The following COL5A2 variants were observed in gnomAD, a reference collection of about 807,000 sequenced individuals.
COL5A2 encodes the protein collagen alpha-2(V) chain.
COL5A2 carries 23 observed loss-of-function variants against 208.2 expected under a neutral mutation model. The observed-to-expected ratio is 0.11, with a 90% confidence interval of 0.08 to 0.16. COL5A2 has a LOEUF of 0.16. COL5A2 is among the 10% of genes least tolerant of loss of function. The pLI is 1.00. For synonymous variants in COL5A2, 625 were observed against 628.5 expected (o/e 0.99, Z 0.08); for missense variants, 1,590 against 1,956.4 (o/e 0.81, Z 3.53).
chr2:189,284,614 G>A, the COL5A2 span, among the ~76,000 whole-genome samples: 1 of 152,032 alleles, frequency 6.6e-6, no homozygotes, highest in Admixed American at 6.6e-5. Flanking sequence ...TACATGGGGG[G>A]ATTACAATTC....
the COL5A2 span, among the ~76,000 whole-genome samples, chr2:189,410,384 A>G: frequency 6.6e-6 from 1 of 152,096 alleles, no homozygotes. Flanking sequence ...AGCCTGACCA[A>G]GACCCCCATC....
At chr2:189,251,385 G>T in the COL5A2 span, among the ~76,000 whole-genome samples, 1 of 152,074 alleles carries the variant, frequency 6.6e-6, no homozygotes, top group Non-Finnish European at 1.5e-5. Flanking sequence ...TGTGTTCCTA[G>T]AACTGGTCAT....
chr2:189,362,557 A>G, the COL5A2 span, among the ~76,000 whole-genome samples: 2 of 152,064 alleles, frequency 1.3e-5, no homozygotes, highest in African/African-American at 4.8e-5. Flanking sequence ...AAATGTTCCA[A>G]TTGCACCCTG....
intron 1 of COL5A2, among the ~76,000 whole-genome samples, chr2:189,184,998 T>C (rs529846136): frequency 1.3e-5 from 2 of 152,292 alleles, no homozygotes; most frequent in African/African-American, 2.4e-5. Context: ...AGCGTTGTTA[T>C]ACAAACAAAT....
the COL5A2 span, among the ~76,000 whole-genome samples, chr2:189,357,971 G>T: frequency 6.6e-6 from 1 of 152,028 alleles, no homozygotes; most frequent in Non-Finnish European, 1.5e-5. Flanking sequence ...CCCTTGGCTA[G>T]GGGAGGGAAA....
intron 40 of COL5A2, 128 bp downstream of exon 40, chr2:189,052,621 T>C (rs1292719639): frequency 1.1e-5 from 11 of 971,364 alleles, no homozygotes; most frequent in South Asian, 6.9e-5. Flanking sequence ...CTTTGCACTA[T>C]AGTACAGTTG....
chr2:189,363,147 T>C, the COL5A2 span, among the ~76,000 whole-genome samples: 1 of 152,142 alleles, frequency 6.6e-6, no homozygotes, highest in African/African-American at 2.4e-5. Context: ...ACACCTTTCA[T>C]TAACTTTTTA....
intron 1 of COL5A2, among the ~76,000 whole-genome samples, chr2:189,176,695 C>G (rs1397360117): frequency 6.6e-6 from 1 of 151,400 alleles, no homozygotes; most frequent in Non-Finnish European, 1.5e-5. Context: ...TGCACACACA[C>G]TCTCACCACA....
chr2:189,135,948 T>C (rs1687819034), intron 1 of COL5A2, among the ~76,000 whole-genome samples: 1 of 152,202 alleles, frequency 6.6e-6, no homozygotes, highest in African/African-American at 2.4e-5. Flanking sequence ...AGAGTGTTAT[T>C]GCAGGTGTAA....
chr2:189,245,984 A>G, the COL5A2 span, among the ~76,000 whole-genome samples: 1 of 152,250 alleles, frequency 6.6e-6, no homozygotes, highest in Non-Finnish European at 1.5e-5. Context: ...TGATAAAAAC[A>G]AATTAGACTT....
At chr2:189,070,836 G>A (rs551575847) in intron 18 of COL5A2, among the ~76,000 whole-genome samples, 1 of 152,238 alleles carries the variant, frequency 6.6e-6, no homozygotes, top group South Asian at 2.1e-4. Flanking sequence ...GAGCAGATCA[G>A]ATTCAGAGGA....
At chr2:189,188,309 T>C (rs1354036847) in intron 1 of COL5A2, among the ~76,000 whole-genome samples, 2 of 152,210 alleles carry the variant, frequency 1.3e-5, no homozygotes, top group Admixed American at 1.3e-4. Context: ...TAGTTTTGCC[T>C]TTCTACAATG....
chr2:189,216,768 A>G (rs987067771), intron 1 of COL5A2, among the ~76,000 whole-genome samples: 12 of 152,276 alleles, frequency 7.9e-5, no homozygotes, highest in East Asian at 5.8e-4. Flanking sequence ...GAAAAGTAGT[A>G]ACTAAATAAG....
upstream of COL5A2, among the ~76,000 whole-genome samples, chr2:189,180,191 T>C (rs991633153): frequency 6.6e-6 from 1 of 152,156 alleles, no homozygotes; most frequent in Admixed American, 6.5e-5. Flanking sequence ...CTTAAATCTT[T>C]AAACAATCAC....
At chr2:189,080,082 C>G (rs1050805266) in intron 13 of COL5A2, 51 bp from the exon 14 acceptor site, 1 of 1,442,012 alleles carries the variant, frequency 6.9e-7, no homozygotes, top group African/African-American at 1.4e-5. Context: ...TTTCAATCCT[C>G]AAAGGCATAA....
intron 1 of COL5A2, among the ~76,000 whole-genome samples, chr2:189,196,728 A>G (rs1299803268): frequency 3.9e-5 from 6 of 152,210 alleles, no homozygotes; most frequent in Admixed American, 3.9e-4. Context: ...AGAGAAATGC[A>G]AATCAAAACC....
At chr2:189,274,804 G>A in the COL5A2 span, among the ~76,000 whole-genome samples, 1 of 151,348 alleles carries the variant, frequency 6.6e-6, no homozygotes, top group African/African-American at 2.4e-5. Flanking sequence ...TTGTTTTCTA[G>A]CTTTACAATT....
At chr2:189,305,238 T>C in the COL5A2 span, among the ~76,000 whole-genome samples, 5 of 152,322 alleles carry the variant, frequency 3.3e-5, no homozygotes, top group African/African-American at 7.2e-5. Flanking sequence ...AGGAAATGCG[T>C]GGGCCCAACA....
At chr2:189,140,706 T>C (rs1013571016) in intron 1 of COL5A2, among the ~76,000 whole-genome samples, 15 of 152,148 alleles carry the variant, frequency 9.9e-5, no homozygotes, top group East Asian at 5.8e-4. Flanking sequence ...TTATTTCTCA[T>C]TGTAGAGGCT....
Sources: gnomAD v4.1 joint callset for allele counts (sites outside exome capture counted in the v4.1 genomes callset) on GRCh38, gnomAD v4.1.1 for gene constraint, MANE v1.5 for transcripts, NCBI Gene and HGNC (gene_info 2026-07-23, HGNC 2026-07-21) for gene names.